RMC1: variants seen among roughly 807,000 people sequenced by gnomAD.
RMC1 encodes the protein regulator of MON1-CCZ1 complex.
A neutral mutation model predicts 95.5 loss-of-function variants in RMC1; 44 were observed. The observed-to-expected ratio is 0.46, with a 90% CI of 0.36 to 0.59. RMC1 has a LOEUF of 0.59. RMC1 is among the 20% of genes least tolerant of loss of function. The pLI is 0.00. For missense variants in RMC1, 705 were observed against 819.6 expected, an observed-to-expected ratio of 0.86 and a Z score of 1.71; for synonymous variants, 320 against 303.6, an observed-to-expected ratio of 1.05 and a Z score of -0.56.
At chr18:23,512,931 AT>A (rs1567917530) in intron 5 of RMC1, among the ~76,000 whole-genome samples, 1 of 151,644 alleles carries the variant, frequency 6.6e-6, no homozygotes, top group East Asian at 1.9e-4. Flanking sequence ...AGCAATCTCT[AT>A]TTTACTTTCT....
intron 7 of RMC1, 99 bp downstream of exon 7, chr18:23,516,522 T>C (rs2058009719): frequency 1.6e-6 from 2 of 1,216,136 alleles, no homozygotes; most frequent in Non-Finnish European, 2.4e-6. Context: ...CCCTGACCCC[T>C]AGAACACATA....
chr18:23,523,571 A>AAG (rs2058206715), intron 10 of RMC1, among the ~76,000 whole-genome samples: 1 of 146,256 alleles, frequency 6.8e-6, no homozygotes, highest in East Asian at 1.9e-4. Flanking sequence ...AAAAAAAAAG[A>AAG]AAAAAAGTTA....
rs993888574 is a variant in RMC1, at chr18:23,524,633, G to GT, written c.1060+157dup. The stretch of plus-strand genomic sequence containing the variant: ...GGGATTTTTTTTTTTCACTTTATAC[G>GT]TTTTTTACTATATGTGCATTTTATC... On this transcript the variant is annotated intron_variant, in intron 12 of 19. Coordinates refer to ENST00000269221, the MANE Select transcript of RMC1 (RefSeq NM_013326.5). The GT allele has an allele frequency of 5.7e-6, 4 of 705,578 alleles. No homozygotes were observed. The African/African-American group carries it at 7.3e-5, about 13-fold the overall frequency. 43.7% of individuals were successfully genotyped at this position (705,578 alleles called of 1,614,324 possible). A position where few individuals can be genotyped will look rare whatever the true frequency, so the allele number is the denominator to read the frequency against.
chr18:23,521,364 C>T (rs983155538), intron 10 of RMC1, among the ~76,000 whole-genome samples: 2 of 152,204 alleles, frequency 1.3e-5, no homozygotes, highest in African/African-American at 4.8e-5. Flanking sequence ...TTCTGTTTGC[C>T]TTAGCTCTGT....
At chr18:23,531,472 T>C in intron 19 of RMC1, 153 bp from the exon 20 acceptor site, 3 of 1,417,138 alleles carry the variant, frequency 2.1e-6, no homozygotes, top group Non-Finnish European at 2.8e-6. Flanking sequence ...TATTTGTCTC[T>C]CAAAGCAGAT....
Position 23,529,178 on chromosome 18 carries a change from G to C in RMC1, c.1297-1G>C. ...CATAGTTTGTGGTTTTTTTCTTTCA[G>C]GCGGTGGAAGCAGGGCAGAGCCGAA... On this transcript the variant is annotated splice_acceptor_variant, in intron 14 of 19. Transcript: ENST00000269221. LOFTEE classifies it high-confidence loss of function. The C allele has an allele frequency of 2.5e-6, 4 of 1,608,144 alleles. No homozygotes were observed. Among genetic ancestry groups the C allele is most frequent in the Non-Finnish European group, 3.4e-6 (4 of 1,178,460 alleles).
intron 19 of RMC1, 82 bp downstream of exon 19, chr18:23,530,694 C>T (rs1298950490): frequency 7.5e-7 from 1 of 1,341,640 alleles, no homozygotes; most frequent in Non-Finnish European, 1.0e-6. Context: ...GGCGAGGACC[C>T]TGGGTTAGCA....
chr18:23,528,047 G>C (rs1022977264), intron 14 of RMC1, 146 bp downstream of exon 14: 2 of 649,826 alleles, frequency 3.1e-6, no homozygotes, highest in African/African-American at 3.7e-5. Flanking sequence ...GGTGGCAGTA[G>C]TGGGGGATAG....
At chr18:23,522,079 A>G (rs1046877406) in intron 10 of RMC1, among the ~76,000 whole-genome samples, 19 of 152,250 alleles carry the variant, frequency 1.2e-4, no homozygotes, top group African/African-American at 4.3e-4. Context: ...TCAGAATCGC[A>G]CTCTGGCTGA....
chr18:23,529,045 T>C lies in RMC1; in HGVS notation c.1297-134T>C, dbSNP rs372928584. On this transcript the variant is annotated intron_variant, in intron 14 of 19. Transcript: ENST00000269221. ...CAGGCATGCGCACAGGAAAAAGTTG[T>C]ATCTAAGTAGAGAAAGTGTTTTCCG... 7.8e-6 allele frequency: 11 copies of C among 1,414,252 alleles called. No individual in the cohort carries two copies. In the African/African-American group the frequency reaches 1.4e-4, roughly 19 times the overall value. 87.6% of individuals were successfully genotyped at this position (1,414,252 alleles called of 1,614,324 possible).
intron 5 of RMC1, chr18:23,509,718 A>G (rs1410135583): frequency 1.3e-5 from 2 of 152,080 alleles, no homozygotes; most frequent in African/African-American, 4.8e-5. Flanking sequence ...ATGCATCACC[A>G]TGCCCGGGTA....
At chr18:23,511,879 A>G (rs1465356055) in intron 5 of RMC1, among the ~76,000 whole-genome samples, 1 of 152,156 alleles carries the variant, frequency 6.6e-6, no homozygotes, top group African/African-American at 2.4e-5. Flanking sequence ...ACATCTGAAA[A>G]GCTGAACCAG....
At chr18:23,516,167 A>G (rs1206713542) in intron 6 of RMC1, among the ~76,000 whole-genome samples, 153 bp from the exon 7 acceptor site, 1 of 152,202 alleles carries the variant, frequency 6.6e-6, no homozygotes, top group African/African-American at 2.4e-5. Flanking sequence ...CATTCATTCT[A>G]TGCTGGGCAG....
chr18:23,505,395 G>A (rs2057689336), intron 2 of RMC1, among the ~76,000 whole-genome samples: 1 of 152,166 alleles, frequency 6.6e-6, no homozygotes, highest in Non-Finnish European at 1.5e-5. Flanking sequence ...TGGGGTTCGA[G>A]CATGGTGTTT....
intron 3 of RMC1, 101 bp from the exon 4 acceptor site, chr18:23,507,884 T>A (rs2145134407): frequency 1.0e-6 from 1 of 1,001,206 alleles, no homozygotes; most frequent in Non-Finnish European, 1.4e-6. Flanking sequence ...GGTCACTTTT[T>A]AAGTTAATAT....
chr18:23,513,283 A>G (rs1217999951), intron 5 of RMC1, among the ~76,000 whole-genome samples: 1 of 152,248 alleles, frequency 6.6e-6, no homozygotes, highest in Non-Finnish European at 1.5e-5. Context: ...ACTTCATATA[A>G]GTGAAATTAT....
intron 13 of RMC1, among the ~76,000 whole-genome samples, chr18:23,527,121 T>C (rs1279797342): frequency 6.7e-6 from 1 of 148,550 alleles, no homozygotes; most frequent in Non-Finnish European, 1.5e-5. Context: ...TGGTGGCTCA[T>C]GCTTATAATC....
At position 23,530,301 on chromosome 18, in the gene RMC1, ACT is replaced by A. The variant is rs769498488; in HGVS notation, c.1668+7_1668+8del. The A allele has an allele frequency of 9.3e-6, 15 of 1,614,140 alleles. No homozygotes were observed. Among genetic ancestry groups the A allele is most frequent in the Non-Finnish European group, 1.2e-5 (14 of 1,180,026 alleles). ...GCTATCTCTGGACATGCTGAAGGTAACTCTGATGTGTGAGGTTTTAGACTATG... is the reference window on the plus strand; with the variant it reads ...GCTATCTCTGGACATGCTGAAGGTAACTGATGTGTGAGGTTTTAGACTATG... On this transcript the variant is annotated splice_donor_5th_base_variant and intron_variant, in intron 18 of 19. Coordinates refer to ENST00000269221, the MANE Select transcript of RMC1 (RefSeq NM_013326.5).
At chr18:23,520,409 G>A in intron 10 of RMC1, 96 bp downstream of exon 10, 1 of 986,806 alleles carries the variant, frequency 1.0e-6, no homozygotes, top group Non-Finnish European at 1.5e-6. Flanking sequence ...AGTGGAGTGA[G>A]GAATAAACAG....
Sources: gnomAD v4.1 joint callset for allele counts (sites outside exome capture counted in the v4.1 genomes callset) on GRCh38, gnomAD v4.1.1 for gene constraint, MANE v1.5 for transcripts, NCBI Gene and HGNC (gene_info 2026-07-23, HGNC 2026-07-21) for gene names.